Variants in KCNAB2 observed in about 807,000 individuals in gnomAD.
KCNAB2 encodes potassium voltage-gated channel subfamily A regulatory beta subunit 2.
A neutral mutation model predicts 63.6 loss-of-function variants in KCNAB2; 29 were observed. The ratio of observed to expected loss-of-function variants is 0.46; its 90% CI spans 0.34 to 0.62. The LOEUF (loss-of-function observed/expected upper bound fraction) is 0.62. Ranked by LOEUF, KCNAB2 falls within the 20% of genes least tolerant of loss-of-function variation. KCNAB2 has a pLI of 0.01. For missense variants in KCNAB2, 359 were observed against 563.9 expected (o/e 0.64, Z 3.68); for synonymous variants, 222 against 224.2 (o/e 0.99, Z 0.09).
chr1:6,067,760 T>G (rs1436739810), intron 2 of KCNAB2, among the ~76,000 whole-genome samples: 1 of 152,122 alleles, frequency 6.6e-6, no homozygotes, highest in Admixed American at 6.5e-5. Flanking sequence ...CCAGGAGAGG[T>G]GGCTCATGCC....
chr1:6,096,420 CAGGCCCCGCT>C lies in KCNAB2; in HGVS notation c.949-215_949-206del. On this transcript the variant is annotated intron_variant, in intron 13 of 15. Transcript: ENST00000378083. The surrounding 1 kb of genome is among the most constrained non-coding windows in gnomAD (Gnocchi z 5.9). ...CAGTCTTTGCACTTCAGAGCCTGGACAGGCCCCGCTCATCCACCAGCCCGTGCCCGGCCCA... is the reference window on the plus strand; with the variant it reads ...CAGTCTTTGCACTTCAGAGCCTGGACCATCCACCAGCCCGTGCCCGGCCCA... The C allele has an allele frequency of 1.6e-6, 1 of 622,780 alleles. No homozygotes were observed. The highest frequency in any genetic ancestry group is 2.0e-5 in the South Asian group (1 of 49,464). 38.6% of individuals were successfully genotyped at this position (622,780 alleles called of 1,614,324 possible). A position where few individuals can be genotyped will look rare whatever the true frequency, so the allele number is the denominator to read the frequency against.
At chr1:6,068,903 C>A (rs145431557) in intron 2 of KCNAB2, among the ~76,000 whole-genome samples, 2 of 152,158 alleles carry the variant, frequency 1.3e-5, no homozygotes, top group Non-Finnish European at 2.9e-5. Context: ...CAGTACCAGG[C>A]GCCACATTCT....
chr1:5,992,694 A>T (rs957221987), upstream of KCNAB2: 2 of 152,402 alleles, frequency 1.3e-5, no homozygotes, highest in Non-Finnish European at 2.9e-5. Flanking sequence ...CGGAACCTGC[A>T]GGAGCTAGCG....
At chr1:6,063,013 C>T (rs983484715) in intron 2 of KCNAB2, among the ~76,000 whole-genome samples, 3 of 151,308 alleles carry the variant, frequency 2.0e-5, no homozygotes, top group African/African-American at 7.3e-5. Context: ...TCTGTCTCTA[C>T]GGATTCGCCT....
At position 6,086,527 on chromosome 1, in the gene KCNAB2, C is replaced by G. The variant is rs539650717; in HGVS notation, c.426-940C>G. 5.1e-4 allele frequency among the ~76,000 whole-genome samples: 78 copies of G among 152,176 alleles called. No homozygotes were observed. Among genetic ancestry groups the G allele is most frequent in the African/African-American group, 1.6e-3 (67 of 41,510 alleles). ...CTCGTGAGCTGCTTCCCTGAGCAGC[C>G]CGGGACCCGGGTGGGAAAGAAGCTC... is the stretch of plus-strand genomic sequence containing the variant. On this transcript the variant is annotated intron_variant, in intron 6 of 15. Transcript: ENST00000378083. The surrounding 1 kb of genome is among the most constrained non-coding windows in gnomAD (Gnocchi z 4.2).
At chr1:6,027,635 A>G (rs1659296492) in intron 1 of KCNAB2, among the ~76,000 whole-genome samples, 1 of 152,254 alleles carries the variant, frequency 6.6e-6, no homozygotes, top group South Asian at 2.1e-4. Flanking sequence ...ATTTGTAATC[A>G]GGGAACAGGC....
intron 2 of KCNAB2, among the ~76,000 whole-genome samples, chr1:6,055,734 G>A (rs887875869): frequency 6.6e-6 from 1 of 152,128 alleles, no homozygotes; most frequent in African/African-American, 2.4e-5. Flanking sequence ...CGGGGAGGGT[G>A]GTGGCCTCAC....
In KCNAB2 at chr1:6,051,508, C is replaced by G. The variant is rs1385454167; in HGVS notation, c.-26-3C>G. 15 of 1,494,856 alleles carry G rather than the reference C, an allele frequency of 1.0e-5. No individual in the cohort carries two copies. The highest frequency in any genetic ancestry group is 2.8e-5 in the African/African-American group (2 of 72,498). 92.6% of individuals were successfully genotyped at this position (1,494,856 alleles called of 1,614,324 possible). On this transcript the variant is annotated splice_polypyrimidine_tract_variant and splice_region_variant and intron_variant, in intron 1 of 15. Coordinates refer to ENST00000378083, the MANE Select transcript of KCNAB2 (RefSeq NM_001199862.2). Reference sequence around the variant, plus strand: ...ACTGTCTAACTCATCACCGTCTGGACAGTGGCAGCTCCCAAGCCAGGCGGC... The same window carrying G: ...ACTGTCTAACTCATCACCGTCTGGAGAGTGGCAGCTCCCAAGCCAGGCGGC...
rs1396128023 is a variant in KCNAB2 at position 6,090,373 on chromosome 1, C to T, written c.515-16C>T. On this transcript the variant is annotated splice_polypyrimidine_tract_variant and intron_variant, in intron 8 of 15. Coordinates refer to ENST00000378083, the MANE Select transcript of KCNAB2 (RefSeq NM_001199862.2). ...GAGCCACAGCAGTGACGCCCCCCCA[C>T]CTGGTCCTCCCCCAGGTCTGAAAGC... 6.2e-6 allele frequency: 10 copies of T among 1,604,682 alleles called. No individual in the cohort carries two copies. The East Asian group carries it at 6.7e-5, about 11-fold the overall frequency.
intron 4 of KCNAB2, among the ~76,000 whole-genome samples, chr1:6,079,272 C>T (rs772019206): frequency 6.6e-6 from 1 of 152,140 alleles, no homozygotes; most frequent in South Asian, 2.1e-4. Flanking sequence ...TTGTCGGCCG[C>T]ACTTTGGGAG....
chr1:6,099,621 C>A lies in KCNAB2; in HGVS notation c.*1047C>A. On this transcript the variant is annotated 3_prime_UTR_variant, in exon 16 of 16. Transcript: ENST00000378083. ...GCCCAGGCCGCTGCTCTGCACCGAG[C>A]TGGTGGGCTTGGGTTTTGTGGAGCG... is the stretch of plus-strand genomic sequence containing the variant. 1.2e-6 allele frequency: 1 copy of A among 825,244 alleles called. No homozygotes were observed. Among genetic ancestry groups the A allele is most frequent in the Non-Finnish European group, 1.8e-6 (1 of 559,856 alleles). 51.1% of individuals were successfully genotyped at this position (825,244 alleles called of 1,614,324 possible). A position where few individuals can be genotyped will look rare whatever the true frequency, so the allele number is the denominator to read the frequency against.
chr1:6,019,269 G>T (rs1658683783), intron 1 of KCNAB2, among the ~76,000 whole-genome samples: 1 of 152,128 alleles, frequency 6.6e-6, no homozygotes, highest in African/African-American at 2.4e-5. Flanking sequence ...TCCAGCCTGG[G>T]CAACAGAGTA....
intron 1 of KCNAB2, among the ~76,000 whole-genome samples, chr1:6,038,656 C>T (rs1478733442): frequency 1.3e-5 from 2 of 152,138 alleles, no homozygotes; most frequent in Non-Finnish European, 2.9e-5. Context: ...AGGAGACCTC[C>T]GTTATTAGGG....
intron 7 of KCNAB2, 79 bp from the exon 8 acceptor site, chr1:6,088,929 T>G: frequency 7.4e-7 from 1 of 1,352,104 alleles, no homozygotes. Flanking sequence ...CGTCTAACAT[T>G]GCATCGTAAA....
At chr1:6,081,519 C>A (rs1206416208) in intron 4 of KCNAB2, among the ~76,000 whole-genome samples, 2 of 152,222 alleles carry the variant, frequency 1.3e-5, no homozygotes, top group African/African-American at 2.4e-5. Context: ...AACCTGGGGG[C>A]CTGAAACAAC....
intron 1 of KCNAB2, among the ~76,000 whole-genome samples, chr1:6,015,016 C>CTTTTTTTTTTT (rs34742623): frequency 1.1e-4 from 9 of 82,810 alleles, no homozygotes; most frequent in Admixed American, 1.6e-4. Flanking sequence ...GGTCACCTTC[C>CTTTTTTTTTTT]TTTTTTTTTT....
At position 6,066,016 on chromosome 1, in the gene KCNAB2, G is replaced by A. The variant is rs576778445; in HGVS notation, c.219-6739G>A. Among the ~76,000 whole-genome samples, 3 of 152,338 alleles carry A rather than the reference G, an allele frequency of 2.0e-5. No individual in the cohort carries two copies. The East Asian group carries it at 5.8e-4, about 29-fold the overall frequency. Reference sequence around the variant, plus strand: ...TTTCTTGGGGACAGATGGCTCCTGAGCCCAAGGGGACAGGGGACGCAGCCA... The same window carrying A: ...TTTCTTGGGGACAGATGGCTCCTGAACCCAAGGGGACAGGGGACGCAGCCA... On this transcript the variant is annotated intron_variant, in intron 2 of 15. Transcript: ENST00000378083.
intron 2 of KCNAB2, among the ~76,000 whole-genome samples, chr1:6,052,603 G>GA (rs1329727641): frequency 6.6e-6 from 1 of 152,058 alleles, no homozygotes; most frequent in African/African-American, 2.4e-5. Flanking sequence ...GCTTGTCTTT[G>GA]AATTCAGCAC....
rs1478133379 is a variant in KCNAB2, at chr1:6,071,432, AGCTGTGAGATCCACCCG to A, written c.219-1320_219-1304del. ...CCCAGATGGGTCAAGGCCTGGCTGC[AGCTGTGAGATCCACCCG>A]GCCACTTGTCAACCTCACCATCTGG... On this transcript the variant is annotated intron_variant, in intron 2 of 15. Coordinates refer to ENST00000378083, the MANE Select transcript of KCNAB2 (RefSeq NM_001199862.2). The surrounding 1 kb of genome is among the most constrained non-coding windows in gnomAD (Gnocchi z 8.5). 2.0e-5 allele frequency among the ~76,000 whole-genome samples: 3 copies of A among 152,190 alleles called. No homozygotes were observed. The highest frequency in any genetic ancestry group is 7.2e-5 in the African/African-American group (3 of 41,456).
Sources: allele counts gnomAD v4.1 joint callset (sites outside exome capture counted in the v4.1 genomes callset), GRCh38; gene constraint gnomAD v4.1.1; non-coding constraint Gnocchi (gnomAD v3.1); transcripts MANE v1.5; gene names NCBI Gene and HGNC (gene_info 2026-07-23, HGNC 2026-07-21).